Variants in MCCC2 observed in about 807,000 individuals in gnomAD.
MCCC2 encodes the protein methylcrotonoyl-CoA carboxylase beta chain, mitochondrial.
MCCC2 carries 52 observed loss-of-function variants against 77.2 expected under a neutral mutation model. That is an observed-to-expected ratio of 0.67 (90% confidence interval 0.54 to 0.85). The LOEUF (loss-of-function observed/expected upper bound fraction) is 0.85, where lower values mean the gene tolerates loss of function less well. Ranked by LOEUF, MCCC2 falls within the 40% of genes least tolerant of loss-of-function variation. The probability of loss-of-function intolerance (pLI) is 0.00; values close to 1 mark genes in which losing one functional copy is unlikely to be tolerated. For missense variants in MCCC2, 682 were observed against 703.2 expected (o/e 0.97, Z 0.34); for synonymous variants, 253 against 248.4 (o/e 1.02, Z -0.18).
In MCCC2 at chr5:71,646,176, C is replaced by G. The variant is rs765265914; in HGVS notation, c.1150-35C>G. 4.5e-6 allele frequency: 7 copies of G among 1,571,022 alleles called. No homozygotes were observed. The Admixed American group carries it at 1.2e-4, about 26-fold the overall frequency. ...TGCATGATGATAATAGAGTTAATTC[C>G]CTTTTAAAAAGATTTTTATGTTATT... is the stretch of plus-strand genomic sequence containing the variant. On this transcript the variant is annotated intron_variant, in intron 12 of 16. Coordinates refer to ENST00000340941, the MANE Select transcript of MCCC2 (RefSeq NM_022132.5).
intron 1 of MCCC2, 44 bp from the exon 2 acceptor site, chr5:71,592,882 C>G: frequency 1.2e-4 from 133 of 1,152,286 alleles, no homozygotes; most frequent in Non-Finnish European, 1.6e-4. Flanking sequence ...AAAGGAATTG[C>G]TTTCTAATAT....
At chr5:71,604,811 T>A (rs1424778437) in intron 6 of MCCC2, among the ~76,000 whole-genome samples, 1 of 142,012 alleles carries the variant, frequency 7.0e-6, no homozygotes, top group Non-Finnish European at 1.5e-5. Context: ...AATTCCCACC[T>A]ATGAGTGAGA....
chr5:71,637,272 A>G (rs2112444006), intron 10 of MCCC2, among the ~76,000 whole-genome samples: 1 of 152,316 alleles, frequency 6.6e-6, no homozygotes, highest in Non-Finnish European at 1.5e-5. Flanking sequence ...TGTGAAATAC[A>G]TTTTAAAGCA....
In MCCC2 at chr5:71,617,818, A is replaced by G. The variant is rs569484428; in HGVS notation, c.625-8822A>G. Among the ~76,000 whole-genome samples, 149 of 152,298 alleles carry G rather than the reference A, an allele frequency of 9.8e-4. 2 individuals carry two copies. Among genetic ancestry groups the G allele is most frequent in the African/African-American group, 3.0e-3 (124 of 41,574 alleles). On this transcript the variant is annotated intron_variant, in intron 6 of 16. Coordinates refer to ENST00000340941, the MANE Select transcript of MCCC2 (RefSeq NM_022132.5). ...CATTTACCTAGTTATTTCAAAGAGTATGTCTATTGGCAATCATACCCGTAT... is the reference window on the plus strand; with the variant it reads ...CATTTACCTAGTTATTTCAAAGAGTGTGTCTATTGGCAATCATACCCGTAT...
intron 2 of MCCC2, among the ~76,000 whole-genome samples, chr5:71,593,953 A>T (rs1479842422): frequency 1.3e-5 from 2 of 152,236 alleles, no homozygotes; most frequent in Admixed American, 1.3e-4. Context: ...TTATTTAGAG[A>T]CAGGGTCTCC....
intron 4 of MCCC2, 98 bp from the exon 5 acceptor site, chr5:71,602,408 T>C: frequency 3.4e-6 from 5 of 1,473,508 alleles, no homozygotes; most frequent in African/African-American, 1.4e-5. Flanking sequence ...TGATACGTAC[T>C]AGAAGTTGAA....
intron 1 of MCCC2, among the ~76,000 whole-genome samples, chr5:71,590,024 A>G (rs1054927628): frequency 3.3e-5 from 5 of 152,180 alleles, no homozygotes; most frequent in African/African-American, 4.8e-5. Flanking sequence ...CCAATTCATT[A>G]TGACTGTCAG....
intron 6 of MCCC2, among the ~76,000 whole-genome samples, chr5:71,607,055 T>G (rs1231604027): frequency 6.6e-6 from 1 of 151,358 alleles, no homozygotes. Flanking sequence ...GTTGTGTCTC[T>G]GCCCGGCTTT....
intron 7 of MCCC2, 76 bp downstream of exon 7, chr5:71,626,829 ATGTT>A: frequency 1.5e-6 from 2 of 1,325,858 alleles, no homozygotes; most frequent in Non-Finnish European, 2.1e-6. Context: ...CTATTTTTTG[ATGTT>A]TTAAAAAATA....
At chr5:71,620,655 C>G (rs1240640050) in intron 6 of MCCC2, among the ~76,000 whole-genome samples, 1 of 152,140 alleles carries the variant, frequency 6.6e-6, no homozygotes, top group Non-Finnish European at 1.5e-5. Flanking sequence ...TTTGTTTAGG[C>G]AAGACCTAGA....
intron 10 of MCCC2, among the ~76,000 whole-genome samples, chr5:71,638,559 C>T (rs897212475): frequency 2.2e-4 from 33 of 152,210 alleles, no homozygotes; most frequent in Admixed American, 4.6e-4. Context: ...CTCGCTCTGT[C>T]GCCCAGGCTG....
chr5:71,604,510 CTT>C (rs749110020), intron 6 of MCCC2, 42 bp downstream of exon 6: 2 of 1,426,526 alleles, frequency 1.4e-6, no homozygotes, highest in Non-Finnish European at 9.9e-7. Flanking sequence ...GCTTTTTACT[CTT>C]AAGTATCTTT....
chr5:71,652,859 C>T, intron 16 of MCCC2, 105 bp downstream of exon 16: 2 of 972,036 alleles, frequency 2.1e-6, no homozygotes, highest in Non-Finnish European at 3.3e-6. Flanking sequence ...TTCATAGGAA[C>T]TGGAAAATAA....
At chr5:71,620,918 G>C (rs1240174594) in intron 6 of MCCC2, among the ~76,000 whole-genome samples, 3 of 152,096 alleles carry the variant, frequency 2.0e-5, no homozygotes, top group Non-Finnish European at 4.4e-5. Flanking sequence ...CTGGTGACTG[G>C]GTGGACGGTA....
At chr5:71,634,595 G>A (rs541784043) in intron 8 of MCCC2, among the ~76,000 whole-genome samples, 1 of 152,308 alleles carries the variant, frequency 6.6e-6, no homozygotes, top group South Asian at 2.1e-4. Flanking sequence ...CAGGGGATGA[G>A]TACTTAATAG....
chr5:71,619,705 A>G (rs1746295780), intron 6 of MCCC2, among the ~76,000 whole-genome samples: 1 of 151,982 alleles, frequency 6.6e-6, no homozygotes, highest in Non-Finnish European at 1.5e-5. Flanking sequence ...GGCTTGTTTT[A>G]AAAATGCATT....
chr5:71,628,248 T>C (rs1034528664), intron 7 of MCCC2, among the ~76,000 whole-genome samples: 4 of 152,236 alleles, frequency 2.6e-5, no homozygotes, highest in African/African-American at 9.6e-5. Flanking sequence ...TCTTTTTATT[T>C]AGTTGTAAGA....
chr5:71,649,135 G>A lies in MCCC2; in HGVS notation c.1255G>A (p.Ala419Thr), dbSNP rs772811194. 1 of 1,614,230 alleles carries A rather than the reference G, an allele frequency of 6.2e-7. No individual in the cohort carries two copies. The highest frequency in any genetic ancestry group is 2.2e-5 in the East Asian group (1 of 44,884). Residue 419 changes from alanine to threonine, a missense_variant, in exon 14 of 17, where the codon GCC becomes ACC. By Grantham distance (58) the Ala-to-Thr change is moderately conservative. Coordinates refer to ENST00000340941, the MANE Select transcript of MCCC2 (RefSeq NM_022132.5). The part of the protein sequence containing the change: ...VGREYEAEGI[A>T]KDGAKMVAAV... ...TAGAGAGTATGAAGCTGAAGGAATT[G>A]CCAAGGATGGTGCCAAGATGGTGGC...
chr5:71,610,639 A>G (rs1325877702), intron 6 of MCCC2, among the ~76,000 whole-genome samples: 1 of 152,216 alleles, frequency 6.6e-6, no homozygotes, highest in Non-Finnish European at 1.5e-5. Context: ...GTTGTCTCCA[A>G]TTAGAGCTTT....
Sources: gnomAD v4.1 joint callset for allele counts (sites outside exome capture counted in the v4.1 genomes callset) on GRCh38, gnomAD v4.1.1 for gene constraint, MANE v1.5 for transcripts, NCBI Gene and HGNC (gene_info 2026-07-23, HGNC 2026-07-21) for gene names.